Variants in SPEF1 observed in about 807,000 individuals in gnomAD.
SPEF1 encodes sperm flagella and cilia-associated protein 1.
A neutral mutation model predicts 31.8 loss-of-function variants in SPEF1; 30 were observed. That is an observed-to-expected ratio of 0.94 (90% confidence interval 0.70 to 1.28). SPEF1 has a LOEUF of 1.28. Among genes scored for constraint, SPEF1 ranks in the 50% most tolerant of loss-of-function variants. The probability of loss-of-function intolerance (pLI) is 0.00; values close to 1 mark genes in which losing one functional copy is unlikely to be tolerated. For synonymous variants in SPEF1, 126 were observed against 130.1 expected, an observed-to-expected ratio of 0.97 and a Z score of 0.21; for missense variants, 298 against 309.6, an observed-to-expected ratio of 0.96 and a Z score of 0.28.
intron 2 of SPEF1, 104 bp downstream of exon 2, chr20:3,779,560 C>T (rs1192673582): frequency 1.3e-5 from 13 of 965,016 alleles, no homozygotes; most frequent in Admixed American, 4.1e-5. Context: ...TGTAATCGGA[C>T]GAATTCTGTC....
At position 3,781,413 on chromosome 20, in the gene SPEF1, C is replaced by G; in HGVS notation, c.-126G>C. 1 of 1,392,464 alleles carries G rather than the reference C, an allele frequency of 7.2e-7. No homozygotes were observed. Among genetic ancestry groups the G allele is most frequent in the Non-Finnish European group, 9.5e-7 (1 of 1,048,644 alleles). 86.3% of individuals were successfully genotyped at this position (1,392,464 alleles called of 1,614,324 possible). On this transcript the variant is annotated 5_prime_UTR_variant, in exon 1 of 7. Coordinates refer to ENST00000379756, the MANE Select transcript of SPEF1 (RefSeq NM_015417.5). ...TGCCTCTGCCTGCCTAATCCAGAGA[C>G]TCACGTCCCAGCTGGGAGCGGCCAT...
At position 3,781,330 on chromosome 20, in the gene SPEF1, GC is replaced by G; in HGVS notation, c.-44del. ...GGCCGCCCCAGCGGTGCCGGGTCCC[GC>G]CCCAGCCTCACGACCCTTCAGGCGC... On this transcript the variant is annotated 5_prime_UTR_variant, in exon 1 of 7. Coordinates refer to ENST00000379756, the MANE Select transcript of SPEF1 (RefSeq NM_015417.5). 1.3e-6 allele frequency: 2 copies of G among 1,593,898 alleles called. No homozygotes were observed. The highest frequency in any genetic ancestry group is 8.5e-7 in the Non-Finnish European group (1 of 1,171,194).
Position 3,781,379 on chromosome 20 carries a change from G to C in SPEF1, c.-92C>G. 6.7e-7 allele frequency: 1 copy of C among 1,501,452 alleles called. No homozygotes were observed. The highest frequency in any genetic ancestry group is 8.9e-7 in the Non-Finnish European group (1 of 1,123,578). The allele number at this position is 1,501,452 out of a possible 1,614,324, so 93.0% of individuals were successfully genotyped here. A position where few individuals can be genotyped will look rare whatever the true frequency, so the allele number is the denominator to read the frequency against. ...CGCTTCCTTTCTCGCCACTGCAGAA[G>C]CCCATAACTGCCTCTGCCTGCCTAA... is the stretch of plus-strand genomic sequence containing the variant. On this transcript the variant is annotated 5_prime_UTR_variant, in exon 1 of 7. Transcript: ENST00000379756.
At chr20:3,779,467 T>G (rs2088767064) in intron 2 of SPEF1, 115 bp from the exon 3 acceptor site, 4 of 989,672 alleles carry the variant, frequency 4.0e-6, no homozygotes, top group African/African-American at 1.6e-5. Context: ...CCTGGGGGAG[T>G]GAAAGCGCAT....
intron 1 of SPEF1, among the ~76,000 whole-genome samples, chr20:3,780,420 A>G (rs982265817): frequency 2.2e-4 from 19 of 88,166 alleles, no homozygotes; most frequent in Non-Finnish European, 3.3e-4. Context: ...CATGATGCAC[A>G]CACACACACA....
intron 1 of SPEF1, 47 bp from the exon 2 acceptor site, chr20:3,779,822 AAGG>A: frequency 3.5e-6 from 2 of 568,158 alleles, no homozygotes; most frequent in Non-Finnish European, 6.5e-6. Flanking sequence ...ATGGGTAAGG[AAGG>A]AGGAGGTGAG....
In SPEF1 at chr20:3,778,086, C is replaced by T; in HGVS notation, c.*126G>A. ...ATCCCAAGGAAGGAGGGCACTCGGG[C>T]CCCAGCAGGCTCGTGAGAGCAGCGG... is the stretch of plus-strand genomic sequence containing the variant. On this transcript the variant is annotated 3_prime_UTR_variant, in exon 7 of 7. Coordinates refer to ENST00000379756, the MANE Select transcript of SPEF1 (RefSeq NM_015417.5). 2 of 687,040 alleles carry T rather than the reference C, an allele frequency of 2.9e-6. No individual in the cohort carries two copies. Among genetic ancestry groups the T allele is most frequent in the Non-Finnish European group, 2.4e-6 (1 of 424,122 alleles). The allele number at this position is 687,040 out of a possible 1,614,324, so 42.6% of individuals were successfully genotyped here. A position where few individuals can be genotyped will look rare whatever the true frequency, so the allele number is the denominator to read the frequency against.
chr20:3,780,237 G>A (rs1182361438), intron 1 of SPEF1, among the ~76,000 whole-genome samples: 2 of 151,136 alleles, frequency 1.3e-5, no homozygotes, highest in Non-Finnish European at 2.9e-5. Flanking sequence ...GGGTGGCTGA[G>A]GCAGAAGAAT....
chr20:3,779,061 C>T (rs1311372533), intron 3 of SPEF1, 71 bp from the exon 4 acceptor site: 19 of 1,609,288 alleles, frequency 1.2e-5, no homozygotes, highest in Non-Finnish European at 1.4e-5. Flanking sequence ...GTCCCTTCCA[C>T]GGGCCCCCAG....
chr20:3,778,952 C>T lies in SPEF1; in HGVS notation c.417G>A (p.Val139=), dbSNP rs959503960. The change falls in exon 4 of 7, where the codon GTG becomes GTA. Residue 139 remains valine (V), a splice_region_variant and synonymous_variant. Transcript: ENST00000379756. Reference sequence around the variant, plus strand: ...GAGAAATGGAAAAGGCCACCTTACCCACATCCATGTAGCCACTGCCATCCT... The same window carrying T: ...GAGAAATGGAAAAGGCCACCTTACCTACATCCATGTAGCCACTGCCATCCT... ...APQDGSGYMD[V]GVSQKARGEG... The T allele has an allele frequency of 1.2e-6, 2 of 1,614,162 alleles. No individual in the cohort carries two copies. Among genetic ancestry groups the T allele is most frequent in the Non-Finnish European group, 8.5e-7 (1 of 1,180,002 alleles).
Position 3,778,140 on chromosome 20 carries a change from G to A in SPEF1, c.*72C>T, listed in dbSNP as rs763689572. The A allele has an allele frequency of 2.7e-6, 3 of 1,112,224 alleles. No homozygotes were observed. Among genetic ancestry groups the A allele is most frequent in the East Asian group, 2.6e-5 (1 of 38,462 alleles). The allele number at this position is 1,112,224 out of a possible 1,614,324, so 68.9% of individuals were successfully genotyped here. ...CCGCCCTCCCAATGGTCTATCCATC[G>A]GTGGGTGGGTCCGGCGCGGCGTCGG... On this transcript the variant is annotated 3_prime_UTR_variant, in exon 7 of 7. Transcript: ENST00000379756.
Position 3,779,748 on chromosome 20 carries a change from T to C in SPEF1, c.137A>G (p.Tyr46Cys). ...GVLVAEVIKF[Y>C]FPKMVEMHNY... ...GTGCATCTCCACCATCTTGGGGAAG[T>C]AAAACTTGATGACCTCTGCAACAAG... Residue 46 changes from tyrosine (Y) to cysteine (C), a missense_variant, in exon 2 of 7, where the codon TAC (tyrosine) becomes TGC (cysteine). Physicochemically the swap from Tyr to Cys is radical, Grantham distance 194. Coordinates refer to ENST00000379756, the MANE Select transcript of SPEF1 (RefSeq NM_015417.5). 2 of 1,607,556 alleles carry C rather than the reference T, an allele frequency of 1.2e-6. No homozygotes were observed. The highest frequency in any genetic ancestry group is 1.7e-6 in the Non-Finnish European group (2 of 1,178,484).
chr20:3,780,904 G>T (rs1214937930), intron 1 of SPEF1, among the ~76,000 whole-genome samples: 1 of 152,108 alleles, frequency 6.6e-6, no homozygotes, highest in Non-Finnish European at 1.5e-5. Flanking sequence ...AAATACATAT[G>T]CAGACACATA....
At position 3,778,549 on chromosome 20, in the gene SPEF1, G is replaced by T; in HGVS notation, c.480-5C>A. On this transcript the variant is annotated splice_polypyrimidine_tract_variant and splice_region_variant and intron_variant, in intron 5 of 6. Coordinates refer to ENST00000379756, the MANE Select transcript of SPEF1 (RefSeq NM_015417.5). ...GGCGCCGGCGGCCGGTCCCAGCTGG[G>T]GTGGGAAGCAGCTTAGCGGAGGCTT... The T allele has an allele frequency of 6.2e-7, 1 of 1,604,844 alleles. No individual in the cohort carries two copies. Among genetic ancestry groups the T allele is most frequent in the African/African-American group, 1.3e-5 (1 of 74,980 alleles).
At chr20:3,779,831 GTGAGAGAA>G in intron 1 of SPEF1, 56 bp from the exon 2 acceptor site, 1 of 657,138 alleles carries the variant, frequency 1.5e-6, no homozygotes. Context: ...GAAGGAGGAG[GTGAGAGAA>G]GGTGGGGGTG....
chr20:3,780,422 A>G (rs1033469548), intron 1 of SPEF1, among the ~76,000 whole-genome samples: 1 of 143,088 alleles, frequency 7.0e-6, no homozygotes, highest in African/African-American at 2.5e-5. Context: ...TGATGCACAC[A>G]CACACACACA....
Position 3,778,194 on chromosome 20 carries a change from C to A in SPEF1, c.*18G>T. The A allele has an allele frequency of 6.6e-7, 1 of 1,521,956 alleles. No homozygotes were observed. The highest frequency in any genetic ancestry group is 2.4e-5 in the East Asian group (1 of 40,952). 94.3% of individuals were successfully genotyped at this position (1,521,956 alleles called of 1,614,324 possible). A position where few individuals can be genotyped will look rare whatever the true frequency, so the allele number is the denominator to read the frequency against. The stretch of plus-strand genomic sequence containing the variant: ...TCTGGCGGGTACCCGGGCGTCCCCG[C>A]GCGGCCCGGGCCGCCGCTCACCGCT... On this transcript the variant is annotated 3_prime_UTR_variant, in exon 7 of 7. Coordinates refer to ENST00000379756, the MANE Select transcript of SPEF1 (RefSeq NM_015417.5).
chr20:3,780,989 A>C (rs746903842), intron 1 of SPEF1, among the ~76,000 whole-genome samples, 190 bp downstream of exon 1: 2 of 152,214 alleles, frequency 1.3e-5, no homozygotes, highest in Non-Finnish European at 2.9e-5. Context: ...ACATGTAGAC[A>C]TACATATATG....
intron 5 of SPEF1, 42 bp from the exon 6 acceptor site, chr20:3,778,586 C>A: frequency 6.3e-7 from 1 of 1,580,894 alleles, no homozygotes; most frequent in East Asian, 2.3e-5. Context: ...GACCTCGGGC[C>A]CTACACTCAC....
Sources: gnomAD v4.1 joint callset for allele counts (sites outside exome capture counted in the v4.1 genomes callset) on GRCh38, gnomAD v4.1.1 for gene constraint, MANE v1.5 for transcripts, NCBI Gene and HGNC (gene_info 2026-07-23, HGNC 2026-07-21) for gene names.